The following INSC variants were observed in gnomAD, a reference collection of about 807,000 sequenced individuals.
The protein encoded by INSC is INSC spindle orientation adaptor protein, also known as protein inscuteable homolog.
A neutral mutation model predicts 58.6 loss-of-function variants in INSC; 67 were observed. The ratio of observed to expected loss-of-function variants is 1.14; its 90% CI spans 0.94 to 1.40. The LOEUF (loss-of-function observed/expected upper bound fraction) is 1.40. INSC is among the 40% of genes most tolerant of loss of function. The pLI is 0.00. For synonymous variants in INSC, 262 were observed against 276.1 expected (o/e 0.95, Z 0.51); for missense variants, 714 against 692.0 (o/e 1.03, Z -0.36).
upstream of INSC, among the ~76,000 whole-genome samples, chr11:15,111,947 A>C (rs1016045659): frequency 2.6e-5 from 4 of 152,214 alleles, no homozygotes; most frequent in African/African-American, 9.7e-5. Context: ...TAAGGATTAG[A>C]GCAATTGATA....
chr11:15,157,106 G>A (rs185395086), intron 2 of INSC, among the ~76,000 whole-genome samples: 2 of 152,304 alleles, frequency 1.3e-5, no homozygotes, highest in Admixed American at 1.3e-4. Context: ...AGGGCTACTT[G>A]AGGAATAGGC....
intron 1 of INSC, among the ~76,000 whole-genome samples, chr11:15,138,095 C>G (rs927426425): frequency 6.6e-6 from 1 of 152,084 alleles, no homozygotes; most frequent in African/African-American, 2.4e-5. Context: ...GATAGGGGAA[C>G]AGCAGGTTGG....
chr11:15,121,311 A>G (rs1437229061), intron 1 of INSC, among the ~76,000 whole-genome samples: 1 of 151,572 alleles, frequency 6.6e-6, no homozygotes, highest in African/African-American at 2.4e-5. Flanking sequence ...TGCTTTATTT[A>G]TTTATTTTTT....
At chr11:15,163,082 A>G (rs982533581) in intron 2 of INSC, among the ~76,000 whole-genome samples, 1 of 152,106 alleles carries the variant, frequency 6.6e-6, no homozygotes, top group African/African-American at 2.4e-5. Context: ...GCCCAACATC[A>G]CTCTGTCATC....
chr11:15,186,823 A>G (rs1849985455), intron 5 of INSC, among the ~76,000 whole-genome samples: 1 of 152,138 alleles, frequency 6.6e-6, no homozygotes, highest in South Asian at 2.1e-4. Context: ...ATAGTTCATG[A>G]TGATCTCTGT....
the INSC span, among the ~76,000 whole-genome samples, chr11:15,268,649 A>G: frequency 6.6e-6 from 1 of 152,218 alleles, no homozygotes; most frequent in East Asian, 1.9e-4. Flanking sequence ...AATGCTGCTG[A>G]GAAAGAATTT....
intron 7 of INSC, among the ~76,000 whole-genome samples, chr11:15,202,421 T>C (rs906284557): frequency 2.5e-4 from 38 of 152,142 alleles, no homozygotes; most frequent in African/African-American, 8.0e-4. Context: ...GACTGTCTGA[T>C]TGTGTGAGCA....
chr11:15,178,293 A>T (rs375710838), intron 4 of INSC, 31 bp from the exon 5 acceptor site: 295 of 1,612,722 alleles, frequency 1.8e-4, no homozygotes, highest in Non-Finnish European at 1.7e-4. Context: ...TGCCCTTTCC[A>T]GTGGCCCACC....
the INSC span, among the ~76,000 whole-genome samples, chr11:15,264,538 G>GCC: frequency 6.7e-6 from 1 of 148,922 alleles, no homozygotes; most frequent in Admixed American, 6.8e-5. Context: ...GATCCTGGAG[G>GCC]CCTCTCTCTG....
intron 2 of INSC, 97 bp from the exon 3 acceptor site, chr11:15,175,644 A>C (rs1849544537): frequency 1.2e-6 from 1 of 853,044 alleles, no homozygotes; most frequent in East Asian, 2.7e-5. Flanking sequence ...TGCTAAACAT[A>C]TAATAGGTGC....
intron 5 of INSC, among the ~76,000 whole-genome samples, chr11:15,187,259 C>T (rs927600951): frequency 4.6e-5 from 7 of 152,226 alleles, no homozygotes; most frequent in African/African-American, 1.7e-4. Context: ...GACATTACTT[C>T]TGCCAAATGC....
chr11:15,140,800 G>A (rs977397287), intron 1 of INSC, among the ~76,000 whole-genome samples: 5 of 151,848 alleles, frequency 3.3e-5, no homozygotes, highest in African/African-American at 1.2e-4. Context: ...GCCCAGGCTG[G>A]CCTCAAACTC....
the INSC span, among the ~76,000 whole-genome samples, chr11:15,257,202 C>A: frequency 2.0e-5 from 3 of 152,054 alleles, no homozygotes; most frequent in Admixed American, 6.6e-5. Context: ...TTAATCCAAG[C>A]CCAAGATGCA....
intron 8 of INSC, among the ~76,000 whole-genome samples, chr11:15,223,790 G>T (rs1851533156): frequency 6.6e-6 from 1 of 152,182 alleles, no homozygotes; most frequent in Non-Finnish European, 1.5e-5. Flanking sequence ...TGGATAAAGG[G>T]AATCAGAGTT....
intron 2 of INSC, among the ~76,000 whole-genome samples, chr11:15,164,016 T>G (rs1849106823): frequency 6.6e-6 from 1 of 152,216 alleles, no homozygotes; most frequent in African/African-American, 2.4e-5. Context: ...CCCCTCTTTA[T>G]TTCTAATTCC....
At chr11:15,218,560 C>A (rs78984442) in intron 7 of INSC, among the ~76,000 whole-genome samples, 5,624 of 151,852 alleles carry the variant, frequency 0.037, 142 homozygotes, top group Non-Finnish European at 0.056. Flanking sequence ...CTCTCTCTCT[C>A]TCTATATATA....
At position 15,225,921 on chromosome 11, in the gene INSC, G is replaced by A. The variant is rs146769837; in HGVS notation, c.1170+93G>A. On this transcript the variant is annotated intron_variant, in intron 9 of 12. Transcript: ENST00000379556. Reference sequence around the variant, plus strand: ...CGTAGTTTCTGAGGCAGGGGAGAGAGCATGGGAGTCCTGTTAGTTTTGCAT... The same window carrying A: ...CGTAGTTTCTGAGGCAGGGGAGAGAACATGGGAGTCCTGTTAGTTTTGCAT... 8.0e-4 allele frequency: 1,010 copies of A among 1,263,708 alleles called. 17 individuals carry two copies. The South Asian group carries it at 0.013, about 16-fold the overall frequency. 78.3% of individuals were successfully genotyped at this position (1,263,708 alleles called of 1,614,324 possible). A position where few individuals can be genotyped will look rare whatever the true frequency, so the allele number is the denominator to read the frequency against.
chr11:15,140,313 T>C (rs1050563957), intron 1 of INSC, among the ~76,000 whole-genome samples: 7 of 152,152 alleles, frequency 4.6e-5, no homozygotes, highest in Non-Finnish European at 8.8e-5. Flanking sequence ...CACTCTTTAT[T>C]TCCTCGTACT....
chr11:15,169,348 C>G (rs1055071946), intron 2 of INSC, among the ~76,000 whole-genome samples: 10 of 152,172 alleles, frequency 6.6e-5, no homozygotes, highest in African/African-American at 2.4e-4. Flanking sequence ...CCACCCATAG[C>G]CTGACTGGTG....
Sources: gnomAD v4.1 joint callset for allele counts (sites outside exome capture counted in the v4.1 genomes callset) on GRCh38, gnomAD v4.1.1 for gene constraint, MANE v1.5 for transcripts, NCBI Gene and HGNC (gene_info 2026-07-23, HGNC 2026-07-21) for gene names.